Variants in SP100 observed in about 807,000 individuals in gnomAD.
SP100 encodes nuclear autoantigen Sp-100.
In SP100, 84 loss-of-function variants were observed where a neutral mutation model predicts 130.0. The ratio of observed to expected loss-of-function variants is 0.65; its 90% CI spans 0.54 to 0.77. SP100 has a LOEUF of 0.77. SP100 is among the 30% of genes least tolerant of loss of function. SP100 has a pLI of 0.00. For missense variants in SP100, 978 were observed against 1,052.2 expected (o/e 0.93, Z 0.97); for synonymous variants, 331 against 351.7 (o/e 0.94, Z 0.66).
chr2:230,520,486 C>A (rs1286664682), intron 24 of SP100: 1 of 152,216 alleles, frequency 6.6e-6, no homozygotes, highest in African/African-American at 2.4e-5. Context: ...ACCAGAACTT[C>A]CACCACGATG....
chr2:230,539,405 C>T, intron 25 of SP100, 23 bp downstream of exon 25: 1 of 1,531,284 alleles, frequency 6.5e-7, no homozygotes, highest in South Asian at 1.1e-5. Flanking sequence ...TGTCCCCTTC[C>T]CTGAGCCCTT....
At chr2:230,521,161 A>C (rs1275472285) in intron 24 of SP100, among the ~76,000 whole-genome samples, 1 of 152,168 alleles carries the variant, frequency 6.6e-6, no homozygotes, top group African/African-American at 2.4e-5. Context: ...TCTGCTTGTC[A>C]TGTGGATGCA....
At chr2:230,488,399 G>C (rs1352861254) in intron 17 of SP100, among the ~76,000 whole-genome samples, 1 of 151,870 alleles carries the variant, frequency 6.6e-6, no homozygotes, top group Non-Finnish European at 1.5e-5. Context: ...TTGTTTGTTT[G>C]GGTTTTTGTT....
intron 8 of SP100, among the ~76,000 whole-genome samples, chr2:230,461,017 A>ATT (rs11438386): frequency 4.0e-5 from 6 of 151,618 alleles, no homozygotes; most frequent in Non-Finnish European, 4.4e-5. Flanking sequence ...TATAATTTTT[A>ATT]TTTTTTTTAA....
At chr2:230,539,714 C>A (rs1692089650) in intron 25 of SP100, among the ~76,000 whole-genome samples, 1 of 152,132 alleles carries the variant, frequency 6.6e-6, no homozygotes, top group Non-Finnish European at 1.5e-5. Context: ...AAAGAGTACA[C>A]CACCTGCTGT....
At chr2:230,462,940 G>A (rs913530744) in intron 10 of SP100, among the ~76,000 whole-genome samples, 14 of 152,146 alleles carry the variant, frequency 9.2e-5, no homozygotes, top group African/African-American at 3.1e-4. Flanking sequence ...TTTGAATAGG[G>A]TCAAAAGACA....
At chr2:230,531,631 T>A (rs1007445915) in intron 24 of SP100, among the ~76,000 whole-genome samples, 3 of 152,224 alleles carry the variant, frequency 2.0e-5, no homozygotes, top group Non-Finnish European at 2.9e-5. Flanking sequence ...TAATTAAGCA[T>A]GAAGCCAGAT....
chr2:230,429,984 G>A (rs931820001), intron 2 of SP100, among the ~76,000 whole-genome samples: 1 of 152,094 alleles, frequency 6.6e-6, no homozygotes, highest in African/African-American at 2.4e-5. Context: ...TCAGTTATTA[G>A]AGCATATTCG....
chr2:230,435,751 A>G (rs1360473494), intron 2 of SP100, among the ~76,000 whole-genome samples: 1 of 151,728 alleles, frequency 6.6e-6, no homozygotes, highest in Non-Finnish European at 1.5e-5. Flanking sequence ...CCAAGTGTGC[A>G]TTGTTCCTCC....
chr2:230,525,391 T>C (rs1214198329), intron 24 of SP100, among the ~76,000 whole-genome samples: 2 of 152,176 alleles, frequency 1.3e-5, no homozygotes, highest in Admixed American at 1.3e-4. Context: ...CTCTTAGTCT[T>C]GATGAAGGTG....
At position 230,473,343 on chromosome 2, in the gene SP100, T is replaced by C; in HGVS notation, c.1449T>C (p.Pro483=). ...ATTTAGGATCACAGCCACAAGAACC[T>C]GAAAATAAGAAGTGCTCCTGTGTCA... ...RRGSGSQPQE[P]ENKKCSCVMC... The change falls in exon 16 of 29, where the codon CCT becomes CCC. Residue 483 remains proline, a synonymous_variant. Coordinates refer to ENST00000340126, the MANE Select transcript of SP100 (RefSeq NM_001080391.2). 4 of 1,613,018 alleles carry C rather than the reference T, an allele frequency of 2.5e-6. No homozygotes were observed. The highest frequency in any genetic ancestry group is 3.4e-6 in the Non-Finnish European group (4 of 1,179,192).
At chr2:230,508,300 T>C in intron 23 of SP100, 1 of 334,082 alleles carries the variant, frequency 3.0e-6, no homozygotes, top group Non-Finnish European at 5.2e-6. Context: ...GTAAAGGAGC[T>C]AAATGCCATA....
rs964654620 is a variant in SP100, at chr2:230,543,989, G to C, written c.*1043G>C. ...ACATAGACCAATGGAACAGAACGAA[G>C]AGCACAGAATAAGACCACACTCCTA... On this transcript the variant is annotated 3_prime_UTR_variant, in exon 29 of 29. Coordinates refer to ENST00000340126, the MANE Select transcript of SP100 (RefSeq NM_001080391.2). 6.6e-6 allele frequency: 1 copy of C among 152,110 alleles called. No homozygotes were observed. Among genetic ancestry groups the C allele is most frequent in the African/African-American group, 2.4e-5 (1 of 41,434 alleles). 9.4% of individuals were successfully genotyped at this position (152,110 alleles called of 1,614,324 possible).
chr2:230,441,932 CT>C, intron 2 of SP100, among the ~76,000 whole-genome samples: 1 of 152,322 alleles, frequency 6.6e-6, no homozygotes, highest in South Asian at 2.1e-4. Context: ...CACTTTTCAC[CT>C]TCAAGATTTT....
chr2:230,515,957 G>T (rs1690893879), intron 24 of SP100: 1 of 1,040,362 alleles, frequency 9.6e-7, no homozygotes, highest in South Asian at 4.2e-5. Flanking sequence ...ACCTTCAGTT[G>T]TCTCTGATGT....
At chr2:230,516,012 T>C in intron 24 of SP100, 2 of 952,810 alleles carry the variant, frequency 2.1e-6, no homozygotes, top group Non-Finnish European at 2.4e-6. Context: ...AATGCCACTC[T>C]GTAATTGCAA....
At chr2:230,513,698 A>G (rs1403326232) in intron 24 of SP100, among the ~76,000 whole-genome samples, 3 of 152,258 alleles carry the variant, frequency 2.0e-5, no homozygotes, top group East Asian at 1.9e-4. Context: ...GAGGTAGGTC[A>G]TGACACACAG....
chr2:230,435,554 C>CT (rs200502797), intron 2 of SP100, among the ~76,000 whole-genome samples: 1,633 of 151,840 alleles, frequency 0.011, 19 homozygotes, highest in Middle Eastern at 0.038. Flanking sequence ...TTTGATTCAG[C>CT]TTTTTTTCCA....
chr2:230,459,690 C>G lies in SP100; in HGVS notation c.821-1572C>G, dbSNP rs148511985. ...TGTCAATCCCAACTTTAAAATATCT[C>G]TAACTTGTCCATTTCTCTTCATCCC... is the stretch of plus-strand genomic sequence containing the variant. On this transcript the variant is annotated intron_variant, in intron 8 of 28. Coordinates refer to ENST00000340126, the MANE Select transcript of SP100 (RefSeq NM_001080391.2). Among the ~76,000 whole-genome samples the G allele has an allele frequency of 3.0e-4, 46 of 152,306 alleles. No homozygotes were observed. The East Asian group carries it at 5.4e-3, about 18-fold the overall frequency.
Sources: allele counts gnomAD v4.1 joint callset (sites outside exome capture counted in the v4.1 genomes callset), GRCh38; gene constraint gnomAD v4.1.1; transcripts MANE v1.5; gene names NCBI Gene and HGNC (gene_info 2026-07-23, HGNC 2026-07-21).